BABAM2: variants seen among roughly 807,000 people sequenced by gnomAD.
BABAM2 encodes BRISC and BRCA1-A complex member 2.
A neutral mutation model predicts 54.7 loss-of-function variants in BABAM2; 31 were observed. The ratio of observed to expected loss-of-function variants is 0.57; its 90% CI spans 0.43 to 0.77. BABAM2 has a LOEUF of 0.77. Among genes scored for constraint, BABAM2 ranks in the 30% least tolerant of loss-of-function variants. BABAM2 has a pLI of 0.00. For synonymous variants in BABAM2, 167 were observed against 162.9 expected (o/e 1.03, Z -0.19); for missense variants, 364 against 455.8 (o/e 0.80, Z 1.83).
chr2:28,238,885 T>A (rs1173847642), intron 8 of BABAM2, among the ~76,000 whole-genome samples: 3 of 152,168 alleles, frequency 2.0e-5, no homozygotes, highest in African/African-American at 4.8e-5. Flanking sequence ...TAAGAATCAG[T>A]CAATTTTTCT....
intron 7 of BABAM2, among the ~76,000 whole-genome samples, chr2:28,227,970 A>C (rs549253700): frequency 6.6e-6 from 1 of 152,312 alleles, no homozygotes; most frequent in Non-Finnish European, 1.5e-5. Context: ...GGTACAGAGA[A>C]AGATTACAAT....
At chr2:27,933,753 A>G (rs10174070) in intron 3 of BABAM2, among the ~76,000 whole-genome samples, 108,188 of 146,766 alleles carry the variant, frequency 0.74, 40,794 homozygotes, top group Middle Eastern at 0.87. Context: ...GTGAGCCACT[A>G]TGCCTGGCTT....
chr2:28,227,820 T>C (rs1479871777), intron 7 of BABAM2, among the ~76,000 whole-genome samples: 3 of 152,302 alleles, frequency 2.0e-5, no homozygotes, highest in Admixed American at 1.3e-4. Context: ...CAGGTTAGCA[T>C]GCACATTCCC....
chr2:28,210,486 A>G (rs1679348266), intron 7 of BABAM2, among the ~76,000 whole-genome samples: 1 of 152,250 alleles, frequency 6.6e-6, no homozygotes, highest in Admixed American at 6.5e-5. Flanking sequence ...TAAGTATTAA[A>G]GAAGGCCTTA....
chr2:28,031,743 A>G (rs967477733), intron 5 of BABAM2, among the ~76,000 whole-genome samples: 6 of 152,322 alleles, frequency 3.9e-5, no homozygotes, highest in African/African-American at 1.4e-4. Flanking sequence ...GAAGGGAGTA[A>G]CCAAGGAAAG....
intron 7 of BABAM2, among the ~76,000 whole-genome samples, chr2:28,134,015 G>T (rs181898652): frequency 6.6e-6 from 1 of 152,096 alleles, no homozygotes; most frequent in Non-Finnish European, 1.5e-5. Context: ...CTCCCACTGC[G>T]CATTTCTATG....
chr2:28,335,456 C>A (rs1395689742), intron 11 of BABAM2, among the ~76,000 whole-genome samples: 1 of 152,224 alleles, frequency 6.6e-6, no homozygotes, highest in East Asian at 1.9e-4. Flanking sequence ...AGGCATGAGC[C>A]ACTGCGCCCA....
chr2:28,211,072 A>G (rs1420843808), intron 7 of BABAM2, among the ~76,000 whole-genome samples: 1 of 152,162 alleles, frequency 6.6e-6, no homozygotes, highest in East Asian at 1.9e-4. Flanking sequence ...TTCTTGGATC[A>G]TTAAAATGAG....
At chr2:28,128,783 C>G (rs1168609752) in intron 6 of BABAM2, among the ~76,000 whole-genome samples, 1 of 152,060 alleles carries the variant, frequency 6.6e-6, no homozygotes, top group Non-Finnish European at 1.5e-5. Context: ...TACCTAACCC[C>G]CTTGTCATTT....
At chr2:28,125,451 G>T (rs886357714) in intron 6 of BABAM2, among the ~76,000 whole-genome samples, 1 of 151,828 alleles carries the variant, frequency 6.6e-6, no homozygotes, top group Non-Finnish European at 1.5e-5. Context: ...GTGCCACCAC[G>T]CCTGGCTAAT....
intron 6 of BABAM2, among the ~76,000 whole-genome samples, chr2:28,062,269 A>C (rs552743917): frequency 6.6e-5 from 10 of 151,092 alleles, no homozygotes; most frequent in Non-Finnish European, 1.0e-4. Context: ...AAAAAAAAAA[A>C]AAAACAAAAA....
chr2:28,335,045 T>C (rs1691306937), intron 11 of BABAM2, among the ~76,000 whole-genome samples: 1 of 152,196 alleles, frequency 6.6e-6, no homozygotes, highest in Non-Finnish European at 1.5e-5. Context: ...GTGCTTTTTC[T>C]TACTAACTGT....
chr2:28,165,498 G>A (rs1022923927), intron 7 of BABAM2, among the ~76,000 whole-genome samples: 1 of 149,040 alleles, frequency 6.7e-6, no homozygotes, highest in African/African-American at 2.5e-5. Context: ...GGTGGGGGAA[G>A]GGGCACTGAA....
chr2:28,165,424 GC>G (rs1486097423), intron 7 of BABAM2, among the ~76,000 whole-genome samples: 3 of 150,714 alleles, frequency 2.0e-5, no homozygotes, highest in Non-Finnish European at 4.4e-5. Context: ...AAGTTGGGTA[GC>G]CAAGTTGTTA....
chr2:27,990,851 T>C (rs1558641400), intron 4 of BABAM2, among the ~76,000 whole-genome samples: 1 of 151,630 alleles, frequency 6.6e-6, no homozygotes, highest in Non-Finnish European at 1.5e-5. Context: ...ATCAAATCGT[T>C]TCTGGGGAAA....
At chr2:27,930,862 C>T (rs1558596322) in intron 3 of BABAM2, among the ~76,000 whole-genome samples, 1 of 152,184 alleles carries the variant, frequency 6.6e-6, no homozygotes. Context: ...GGAATTTTCT[C>T]TCTTGAACCT....
At chr2:27,955,214 T>A (rs916893638) in intron 3 of BABAM2, among the ~76,000 whole-genome samples, 1 of 152,198 alleles carries the variant, frequency 6.6e-6, no homozygotes, top group Non-Finnish European at 1.5e-5. Flanking sequence ...CCTGTGTGGT[T>A]TGCACTACAT....
intron 11 of BABAM2, among the ~76,000 whole-genome samples, chr2:28,319,427 G>C (rs897718840): frequency 6.6e-6 from 1 of 152,238 alleles, no homozygotes; most frequent in South Asian, 2.1e-4. Flanking sequence ...TTGGCCTGAT[G>C]CCTTTGTGCG....
intron 3 of BABAM2, among the ~76,000 whole-genome samples, chr2:27,946,309 T>G (rs1400687377): frequency 6.6e-6 from 1 of 152,236 alleles, no homozygotes; most frequent in Non-Finnish European, 1.5e-5. Context: ...TAAACTGATT[T>G]TCAAATGTTG....
Sources: gnomAD v4.1 joint callset for allele counts (sites outside exome capture counted in the v4.1 genomes callset) on GRCh38, gnomAD v4.1.1 for gene constraint, MANE v1.5 for transcripts, NCBI Gene and HGNC (gene_info 2026-07-23, HGNC 2026-07-21) for gene names.